Variants in HPSE2 observed in about 807,000 individuals in gnomAD.
HPSE2 encodes inactive heparanase-2.
In HPSE2, 38 loss-of-function variants were observed where a neutral mutation model predicts 60.5. The ratio of observed to expected loss-of-function variants is 0.63; its 90% CI spans 0.48 to 0.82. The LOEUF (loss-of-function observed/expected upper bound fraction) is 0.82, where lower values mean the gene tolerates loss of function less well. Ranked by LOEUF, HPSE2 falls within the 40% of genes least tolerant of loss-of-function variation. HPSE2 has a pLI of 0.00. For synonymous variants in HPSE2, 295 were observed against 293.2 expected (o/e 1.01, Z -0.06); for missense variants, 713 against 740.4 (o/e 0.96, Z 0.43).
At chr10:98,479,039 T>C (rs1183240673) in intron 11 of HPSE2, among the ~76,000 whole-genome samples, 2 of 152,180 alleles carry the variant, frequency 1.3e-5, no homozygotes, top group African/African-American at 2.4e-5. Flanking sequence ...ATACTTGACA[T>C]ACCTTAGCTC....
At chr10:98,595,834 G>A (rs990309818) in intron 9 of HPSE2, among the ~76,000 whole-genome samples, 2 of 152,006 alleles carry the variant, frequency 1.3e-5, no homozygotes, top group African/African-American at 4.8e-5. Flanking sequence ...TGTTAGCTGT[G>A]GGTTTGTCAT....
chr10:99,028,129 T>C (rs867961439), intron 3 of HPSE2, among the ~76,000 whole-genome samples: 33 of 152,260 alleles, frequency 2.2e-4, no homozygotes, highest in African/African-American at 7.7e-4. Context: ...TTATTAAACA[T>C]AGTACTGGAA....
At chr10:99,233,050 C>T (rs913834624) in intron 1 of HPSE2, among the ~76,000 whole-genome samples, 1 of 152,274 alleles carries the variant, frequency 6.6e-6, no homozygotes, top group Non-Finnish European at 1.5e-5. Flanking sequence ...GGCGCCTGAG[C>T]TTAAGTGGAT....
At chr10:98,863,181 A>C (rs1444268338) in intron 3 of HPSE2, among the ~76,000 whole-genome samples, 1 of 152,188 alleles carries the variant, frequency 6.6e-6, no homozygotes, top group Non-Finnish European at 1.5e-5. Context: ...TTCCCAGAAA[A>C]AATCACAGGC....
At position 98,799,834 on chromosome 10, in the gene HPSE2, A is replaced by G. The variant is rs190208143; in HGVS notation, c.611-55778T>C. 2.6e-5 allele frequency among the ~76,000 whole-genome samples: 4 copies of G among 152,264 alleles called. No homozygotes were observed. The East Asian group carries it at 7.7e-4, about 29-fold the overall frequency. On this transcript the variant is annotated intron_variant, in intron 3 of 11. Transcript: ENST00000370552. Reference sequence around the variant, plus strand: ...AAGTGCCTACATCAAAAAAGAATAAAAACTTCAATTAAAAAAACCTAATGA... The same window carrying G: ...AAGTGCCTACATCAAAAAAGAATAAGAACTTCAATTAAAAAAACCTAATGA...
chr10:98,759,721 G>C (rs751938220), intron 3 of HPSE2, among the ~76,000 whole-genome samples: 6 of 152,022 alleles, frequency 3.9e-5, no homozygotes, highest in Admixed American at 3.3e-4. Context: ...TGAAATCAGA[G>C]AGTATGATGC....
intron 3 of HPSE2, among the ~76,000 whole-genome samples, chr10:98,976,318 G>T (rs1216174992): frequency 6.6e-6 from 1 of 152,166 alleles, no homozygotes; most frequent in Non-Finnish European, 1.5e-5. Context: ...CTTACTATGT[G>T]CCAGGTATTG....
At chr10:98,467,806 T>C (rs1940605284) in intron 11 of HPSE2, among the ~76,000 whole-genome samples, 2 of 152,254 alleles carry the variant, frequency 1.3e-5, no homozygotes, top group South Asian at 4.1e-4. Context: ...CAGAACTTCG[T>C]TGCGGTCCCG....
In HPSE2 at chr10:98,531,949, A is replaced by G. The variant is rs115136595; in HGVS notation, c.1321-41753T>C. Among the ~76,000 whole-genome samples the G allele has an allele frequency of 2.4e-3, 370 of 152,298 alleles. 1 individual carries two copies. The highest frequency in any genetic ancestry group is 8.4e-3 in the African/African-American group (349 of 41,554). ...ATTAAATGAATTAATACTTATAAGT[A>G]CTCCATAACTGTTAGTTGTTTTTTC... is the stretch of plus-strand genomic sequence containing the variant. On this transcript the variant is annotated intron_variant, in intron 9 of 11. Coordinates refer to ENST00000370552, the MANE Select transcript of HPSE2 (RefSeq NM_021828.5).
intron 7 of HPSE2, among the ~76,000 whole-genome samples, chr10:98,636,160 T>C (rs186026149): frequency 5.3e-4 from 81 of 152,264 alleles, no homozygotes; most frequent in Non-Finnish European, 8.4e-4. Context: ...CAATTTCTAA[T>C]GGCTAGAAGA....
chr10:98,690,155 C>G (rs1258915273), intron 6 of HPSE2, among the ~76,000 whole-genome samples: 2 of 152,212 alleles, frequency 1.3e-5, no homozygotes, highest in African/African-American at 2.4e-5. Context: ...CAATTTCCAG[C>G]CTTTGACTCC....
At chr10:98,710,039 G>A (rs72840583) in intron 5 of HPSE2, among the ~76,000 whole-genome samples, 2,297 of 152,204 alleles carry the variant, frequency 0.015, 32 homozygotes, top group African/African-American at 0.03. Flanking sequence ...TGTGACAGCC[G>A]TTCTACACAA....
intron 3 of HPSE2, among the ~76,000 whole-genome samples, chr10:99,054,656 A>G (rs1316653561): frequency 6.6e-6 from 1 of 152,154 alleles, no homozygotes; most frequent in Non-Finnish European, 1.5e-5. Flanking sequence ...AAGAATCAAT[A>G]CTATTCAGAG....
chr10:98,940,187 A>G (rs558538267), intron 3 of HPSE2, among the ~76,000 whole-genome samples: 10 of 143,552 alleles, frequency 7.0e-5, no homozygotes, highest in South Asian at 4.2e-4. Flanking sequence ...AGAAGCAAGA[A>G]CAAACACATT....
chr10:98,960,731 TTTTA>T (rs1440520484), intron 3 of HPSE2, among the ~76,000 whole-genome samples: 418 of 21,198 alleles, frequency 0.02, 5 homozygotes, highest in African/African-American at 0.061. Flanking sequence ...GTTTTATTTT[TTTTA>T]TTTTATTTTT....
chr10:99,309,821 T>C, the HPSE2 span, among the ~76,000 whole-genome samples: 1 of 152,252 alleles, frequency 6.6e-6, no homozygotes, highest in African/African-American at 2.4e-5. Flanking sequence ...TGGAAAACTA[T>C]ATGGCAGTAT....
chr10:98,866,824 A>G (rs1952599116), intron 3 of HPSE2, among the ~76,000 whole-genome samples: 1 of 152,204 alleles, frequency 6.6e-6, no homozygotes, highest in African/African-American at 2.4e-5. Flanking sequence ...CATTTTCAAA[A>G]TGACAGAAGG....
At position 98,547,859 on chromosome 10, in the gene HPSE2, A is replaced by C. The variant is rs1312562150; in HGVS notation, c.1321-57663T>G. ...CACACACACACACACACACAAACTC[A>C]AGTGACGATATTGAAACTGACTTTT... is the stretch of plus-strand genomic sequence containing the variant. On this transcript the variant is annotated intron_variant, in intron 9 of 11. Coordinates refer to ENST00000370552, the MANE Select transcript of HPSE2 (RefSeq NM_021828.5). Among the ~76,000 whole-genome samples, 4 of 152,112 alleles carry C rather than the reference A, an allele frequency of 2.6e-5. No individual in the cohort carries two copies. The East Asian group carries it at 7.7e-4, about 29-fold the overall frequency.
At chr10:99,164,827 T>C (rs1847004598) in intron 2 of HPSE2, among the ~76,000 whole-genome samples, 1 of 152,136 alleles carries the variant, frequency 6.6e-6, no homozygotes, top group South Asian at 2.1e-4. Context: ...GGCTCACGCC[T>C]GTAATCCCAG....
Sources: allele counts gnomAD v4.1 joint callset (sites outside exome capture counted in the v4.1 genomes callset), GRCh38; gene constraint gnomAD v4.1.1; transcripts MANE v1.5; gene names NCBI Gene and HGNC (gene_info 2026-07-23, HGNC 2026-07-21).